Variants in JAZF1 observed in about 807,000 individuals in gnomAD.
JAZF1 encodes the protein JAZF zinc finger 1.
Under a neutral mutation model 26.4 loss-of-function variants are expected in JAZF1, and 8 were observed. The ratio of observed to expected loss-of-function variants is 0.30; its 90% CI spans 0.18 to 0.55. JAZF1 has a LOEUF of 0.55. JAZF1 is among the 20% of genes least tolerant of loss of function. The pLI, the probability that JAZF1 is intolerant of heterozygous loss-of-function variation, is 0.94. For synonymous variants in JAZF1, 126 were observed against 122.3 expected (o/e 1.03, Z -0.20); for missense variants, 199 against 322.0 (o/e 0.62, Z 2.92).
chr7:28,041,227 A>G (rs1487661174), intron 1 of JAZF1, among the ~76,000 whole-genome samples: 1 of 152,142 alleles, frequency 6.6e-6, no homozygotes. Flanking sequence ...AGTTCTGTGC[A>G]TGTCTGCATG....
chr7:28,158,133 C>A (rs988838371), intron 1 of JAZF1, among the ~76,000 whole-genome samples: 5 of 151,156 alleles, frequency 3.3e-5, no homozygotes, highest in African/African-American at 1.2e-4. Flanking sequence ...AAGGAGACCA[C>A]ATTGAAAACA....
intron 2 of JAZF1, among the ~76,000 whole-genome samples, chr7:27,982,632 G>A (rs1785609089): frequency 6.6e-6 from 1 of 152,180 alleles, no homozygotes; most frequent in Non-Finnish European, 1.5e-5. Flanking sequence ...TTTGAAATCT[G>A]AGAATGGACA....
At position 28,107,033 on chromosome 7, in the gene JAZF1, G is replaced by A. The variant is rs906610173; in HGVS notation, c.115+73430C>T. Among the ~76,000 whole-genome samples the A allele has an allele frequency of 2.0e-5, 3 of 152,100 alleles. No individual in the cohort carries two copies. The South Asian group carries it at 6.2e-4, about 32-fold the overall frequency. ...CTCGGTTCTTTATTTCTGGAAGAGGGAACAAAGTGACTACAAATTCCTAAT... is the reference window on the plus strand; with the variant it reads ...CTCGGTTCTTTATTTCTGGAAGAGGAAACAAAGTGACTACAAATTCCTAAT... On this transcript the variant is annotated intron_variant, in intron 1 of 4. Coordinates refer to ENST00000283928, the MANE Select transcript of JAZF1 (RefSeq NM_175061.4).
chr7:28,074,298 G>C (rs1219381027), intron 1 of JAZF1, among the ~76,000 whole-genome samples: 1 of 152,134 alleles, frequency 6.6e-6, no homozygotes, highest in Non-Finnish European at 1.5e-5. Flanking sequence ...TTCTTTCATA[G>C]GAATAATTCC....
intron 1 of JAZF1, among the ~76,000 whole-genome samples, chr7:28,108,962 T>C (rs1784596993): frequency 1.3e-5 from 2 of 152,208 alleles, no homozygotes; most frequent in Non-Finnish European, 2.9e-5. Flanking sequence ...AGACAAGTAC[T>C]GTATGATCTC....
intron 1 of JAZF1, among the ~76,000 whole-genome samples, chr7:28,118,786 ACACAC>A (rs928245335): frequency 1.3e-5 from 2 of 151,200 alleles, no homozygotes; most frequent in African/African-American, 4.9e-5. Context: ...ACACACACAC[ACACAC>A]AACACACACA....
intron 1 of JAZF1, among the ~76,000 whole-genome samples, chr7:28,132,007 A>G (rs1562597933): frequency 6.6e-6 from 1 of 152,084 alleles, no homozygotes; most frequent in Admixed American, 6.6e-5. Flanking sequence ...AAAAAAAAAT[A>G]CTCTTTGATC....
In JAZF1 at chr7:28,120,501, C is replaced by CTTTTTTTTTTTTTTTTTTT. The variant is rs58448766; in HGVS notation, c.115+59943_115+59961dup. The stretch of plus-strand genomic sequence containing the variant: ...TCTGAACCACTAGCCACACACAGTT[C>CTTTTTTTTTTTTTTTTTTT]TTTTTTTTTTTTTTTTTTTTTTTTT... On this transcript the variant is annotated intron_variant, in intron 1 of 4. Coordinates refer to ENST00000283928, the MANE Select transcript of JAZF1 (RefSeq NM_175061.4). Among the ~76,000 whole-genome samples the CTTTTTTTTTTTTTTTTTTT allele has an allele frequency of 2.7e-3, 157 of 59,010 alleles. 45 individuals carry two copies. The highest frequency in any genetic ancestry group is 9.8e-3 in the East Asian group (9 of 918). The allele number at this position is 59,010 out of a possible 152,430, so 38.7% of individuals were successfully genotyped here.
Position 27,831,702 on chromosome 7 carries a change from T to TA in JAZF1, c.*1097dup. The stretch of plus-strand genomic sequence containing the variant: ...ACAATGTGATGAGAAAAGTACCTTT[T>TA]AAAAAAAGTAAAAAATGAGCATGAA... On this transcript the variant is annotated 3_prime_UTR_variant, in exon 5 of 5. Coordinates refer to ENST00000283928, the MANE Select transcript of JAZF1 (RefSeq NM_175061.4). 1 of 224,776 alleles carries TA rather than the reference T, an allele frequency of 4.4e-6. No individual in the cohort carries two copies. Among genetic ancestry groups the TA allele is most frequent in the Non-Finnish European group, 8.9e-6 (1 of 112,544 alleles). 13.9% of individuals were successfully genotyped at this position (224,776 alleles called of 1,614,324 possible). A position where few individuals can be genotyped will look rare whatever the true frequency, so the allele number is the denominator to read the frequency against.
Position 27,831,542 on chromosome 7 carries a change from G to A in JAZF1, c.*1258C>T, listed in dbSNP as rs946028633. ...CAGATGTAGATTACTCTAATAGGTC[G>A]TATTAGTCATGCTTTTCTTTGACCA... On this transcript the variant is annotated 3_prime_UTR_variant, in exon 5 of 5. Coordinates refer to ENST00000283928, the MANE Select transcript of JAZF1 (RefSeq NM_175061.4). The A allele has an allele frequency of 1.3e-5, 3 of 227,786 alleles. No homozygotes were observed. Among genetic ancestry groups the A allele is most frequent in the South Asian group, 1.8e-4 (1 of 5,476 alleles). The allele number at this position is 227,786 out of a possible 1,614,324, so 14.1% of individuals were successfully genotyped here.
intron 3 of JAZF1, among the ~76,000 whole-genome samples, chr7:27,883,419 G>C (rs1467074797): frequency 6.6e-6 from 1 of 152,194 alleles, no homozygotes; most frequent in Non-Finnish European, 1.5e-5. Flanking sequence ...TAATAGTAGA[G>C]ATGAAATTCA....
rs570522124 is a variant in JAZF1 at position 27,982,705 on chromosome 7, G to T, written c.188+9204C>A. 4.7e-4 allele frequency among the ~76,000 whole-genome samples: 71 copies of T among 152,284 alleles called. 1 individual carries two copies. The highest frequency in any genetic ancestry group is 9.1e-4 in the Admixed American group (14 of 15,308). On this transcript the variant is annotated intron_variant, in intron 2 of 4. Coordinates refer to ENST00000283928, the MANE Select transcript of JAZF1 (RefSeq NM_175061.4). ...CCTAACTGGGAGACACCTCCCAGTAGGGGCCAAGTGACACCTCATACACCT... is the reference window on the plus strand; with the variant it reads ...CCTAACTGGGAGACACCTCCCAGTATGGGCCAAGTGACACCTCATACACCT...
At chr7:28,114,165 G>T (rs1413537396) in intron 1 of JAZF1, among the ~76,000 whole-genome samples, 1 of 152,188 alleles carries the variant, frequency 6.6e-6, no homozygotes, top group Non-Finnish European at 1.5e-5. Flanking sequence ...CCACAGACCA[G>T]ACTGTGGAGA....
In JAZF1 at chr7:27,967,532, A is replaced by G. The variant is rs191130825; in HGVS notation, c.188+24377T>C. ...ACTCAGATCAATCAGGGTCATTAAA[A>G]ACTATATATTACTAAATAACAATCT... On this transcript the variant is annotated intron_variant, in intron 2 of 4. Coordinates refer to ENST00000283928, the MANE Select transcript of JAZF1 (RefSeq NM_175061.4). 1.2e-3 allele frequency among the ~76,000 whole-genome samples: 190 copies of G among 152,326 alleles called. 1 individual carries two copies. The highest frequency in any genetic ancestry group is 4.4e-3 in the African/African-American group (184 of 41,574).
At chr7:28,118,735 T>C (rs1033424867) in intron 1 of JAZF1, among the ~76,000 whole-genome samples, 2 of 150,658 alleles carry the variant, frequency 1.3e-5, no homozygotes, top group African/African-American at 2.5e-5. Context: ...AGATTAGTTG[T>C]TGGAGATCTA....
intron 3 of JAZF1, among the ~76,000 whole-genome samples, chr7:27,845,726 G>C (rs1420581680): frequency 7.0e-6 from 1 of 143,644 alleles, no homozygotes; most frequent in Non-Finnish European, 1.5e-5. Context: ...AAAAGAAAAA[G>C]AAAAAGAAAT....
At chr7:27,845,321 G>C (rs922764180) in intron 3 of JAZF1, among the ~76,000 whole-genome samples, 1 of 152,132 alleles carries the variant, frequency 6.6e-6, no homozygotes, top group East Asian at 1.9e-4. Flanking sequence ...GGGAACTCTG[G>C]ACTGGGGGGT....
intron 3 of JAZF1, among the ~76,000 whole-genome samples, chr7:27,890,718 C>T (rs990346954): frequency 2.6e-5 from 4 of 150,960 alleles, no homozygotes; most frequent in Admixed American, 2.6e-4. Context: ...AGTAAGCACA[C>T]ACAGCAAACA....
chr7:27,876,886 T>C (rs889916985), intron 3 of JAZF1, among the ~76,000 whole-genome samples: 1 of 152,186 alleles, frequency 6.6e-6, no homozygotes, highest in African/African-American at 2.4e-5. Flanking sequence ...TATACTTGAA[T>C]GCCCTTAAAG....
Sources: allele counts gnomAD v4.1 joint callset (sites outside exome capture counted in the v4.1 genomes callset), GRCh38; gene constraint gnomAD v4.1.1; transcripts MANE v1.5; gene names NCBI Gene and HGNC (gene_info 2026-07-23, HGNC 2026-07-21).